The following RTN4 variants were observed in gnomAD, a reference collection of about 807,000 sequenced individuals.
The protein encoded by RTN4 is reticulon-4.
Under a neutral mutation model 90.4 loss-of-function variants are expected in RTN4, and 32 were observed. The observed-to-expected ratio is 0.35, with a 90% CI of 0.27 to 0.48. The LOEUF (loss-of-function observed/expected upper bound fraction) is 0.48. Among genes scored for constraint, RTN4 ranks in the 20% least tolerant of loss-of-function variants. The pLI is 0.99. For synonymous variants in RTN4, 629 were observed against 552.5 expected (o/e 1.14, Z -1.94); for missense variants, 1,706 against 1,430.2 (o/e 1.19, Z -3.11).
At chr2:54,993,190 G>T (rs539524182) in intron 3 of RTN4, among the ~76,000 whole-genome samples, 1 of 151,494 alleles carries the variant, frequency 6.6e-6, no homozygotes, top group African/African-American at 2.4e-5. Context: ...AGTTTTACTT[G>T]CTTCTTTACT....
chr2:55,003,055 C>T (rs993618279), intron 3 of RTN4, among the ~76,000 whole-genome samples: 5 of 152,104 alleles, frequency 3.3e-5, no homozygotes, highest in African/African-American at 1.2e-4. Context: ...TTTCTACTAA[C>T]AAAAACTAAA....
the RTN4 span, among the ~76,000 whole-genome samples, chr2:55,137,671 G>T: frequency 3.3e-5 from 5 of 152,088 alleles, no homozygotes; most frequent in Non-Finnish European, 5.9e-5. Context: ...CTGGCACAGA[G>T]AGAGTTAAAC....
At chr2:55,042,332 T>C (rs1307811004) in intron 1 of RTN4, among the ~76,000 whole-genome samples, 4 of 152,250 alleles carry the variant, frequency 2.6e-5, no homozygotes, top group South Asian at 2.1e-4. Context: ...AAGAAGTGTA[T>C]ACAAGAGTGT....
chr2:55,042,596 A>G (rs1359525731), intron 1 of RTN4, among the ~76,000 whole-genome samples: 2 of 152,208 alleles, frequency 1.3e-5, no homozygotes, highest in Non-Finnish European at 2.9e-5. Flanking sequence ...AACAGGTAGA[A>G]AGAGTTACTT....
intron 3 of RTN4, among the ~76,000 whole-genome samples, chr2:55,022,108 T>C (rs1331374134): frequency 6.6e-6 from 1 of 152,116 alleles, no homozygotes; most frequent in Non-Finnish European, 1.5e-5. Flanking sequence ...ACAAAAACAA[T>C]CCAAGAAATA....
intron 2 of RTN4, among the ~76,000 whole-genome samples, 174 bp from the exon 3 acceptor site, chr2:55,027,659 T>C (rs948753309): frequency 1.4e-4 from 21 of 151,496 alleles, no homozygotes; most frequent in African/African-American, 5.2e-4. Context: ...CTGAAAATAT[T>C]AAGCTATTGT....
Position 55,050,051 on chromosome 2 carries a change from C to A in RTN4, c.250G>T (p.Asp84Tyr). Reference sequence around the variant, plus strand: ...CCCCGGGGCGCCGGCGGCACGAAGTCATTTCCGAAGTCCATCAGGGGCGCG... The same window carrying A: ...CCCCGGGGCGCCGGCGGCACGAAGTAATTTCCGAAGTCCATCAGGGGCGCG... Reference protein sequence around the residue: ...AGAPLMDFGNDFVPPAPRGPL... With the variant: ...AGAPLMDFGNYFVPPAPRGPL... The change falls in exon 1 of 9, where the codon GAC (aspartate) becomes TAC (tyrosine). Residue 84 changes from aspartate (D) to tyrosine (Y), a missense_variant. Coordinates refer to ENST00000337526, the MANE Select transcript of RTN4 (RefSeq NM_020532.5). The surrounding 1 kb of genome is among the most constrained non-coding windows in gnomAD (Gnocchi z 4.6). 1 of 1,418,572 alleles carries A rather than the reference C, an allele frequency of 7.0e-7. No individual in the cohort carries two copies. The highest frequency in any genetic ancestry group is 9.1e-7 in the Non-Finnish European group (1 of 1,092,990). The allele number at this position is 1,418,572 out of a possible 1,614,324, so 87.9% of individuals were successfully genotyped here. A position where few individuals can be genotyped will look rare whatever the true frequency, so the allele number is the denominator to read the frequency against.
At chr2:55,023,865 C>G (rs1681626551) in intron 3 of RTN4, among the ~76,000 whole-genome samples, 1 of 152,018 alleles carries the variant, frequency 6.6e-6, no homozygotes, top group Non-Finnish European at 1.5e-5. Context: ...CTTAACTGAC[C>G]TCTCCAGTAT....
the RTN4 span, among the ~76,000 whole-genome samples, chr2:55,118,794 C>A: frequency 5.9e-5 from 9 of 152,204 alleles, no homozygotes; most frequent in Admixed American, 3.9e-4. Flanking sequence ...GATGAGGACG[C>A]AACCGTTCTG....
At chr2:55,010,038 T>A in intron 3 of RTN4, 1 of 1,577,578 alleles carries the variant, frequency 6.3e-7, no homozygotes, top group Admixed American at 1.7e-5. Context: ...TAGAAATATA[T>A]TAGTGGTCAC....
At chr2:55,085,294 T>G (rs760854396) in intron 1 of RTN4, among the ~76,000 whole-genome samples, 12 of 151,402 alleles carry the variant, frequency 7.9e-5, no homozygotes, top group Admixed American at 1.3e-4. Flanking sequence ...TGGGGGTGTG[T>G]GTGTATATAT....
intron 2 of RTN4, among the ~76,000 whole-genome samples, chr2:55,070,741 T>A (rs1171428228): frequency 1.1e-5 from 1 of 87,256 alleles, no homozygotes; most frequent in East Asian, 3.7e-4. Context: ...AAACAGCTGT[T>A]TTGATTTTTG....
intron 3 of RTN4, among the ~76,000 whole-genome samples, chr2:55,007,275 T>C (rs1262308626): frequency 1.3e-5 from 2 of 152,114 alleles, no homozygotes; most frequent in Non-Finnish European, 2.9e-5. Context: ...TTCAAGCCTA[T>C]CTACTTTAAA....
At chr2:55,106,890 G>A (rs1454802300) in intron 1 of RTN4, among the ~76,000 whole-genome samples, 1 of 152,164 alleles carries the variant, frequency 6.6e-6, no homozygotes, top group African/African-American at 2.4e-5. Flanking sequence ...TAAAGAAAGT[G>A]AACCAAAAGA....
At chr2:54,988,457 G>A (rs1329923697) in intron 3 of RTN4, among the ~76,000 whole-genome samples, 2 of 152,048 alleles carry the variant, frequency 1.3e-5, no homozygotes, top group Non-Finnish European at 2.9e-5. Flanking sequence ...ATATTTATAT[G>A]CAGAAAATAA....
intron 2 of RTN4, among the ~76,000 whole-genome samples, chr2:55,074,517 C>CAA (rs778275041): frequency 3.5e-4 from 21 of 59,572 alleles, no homozygotes; most frequent in African/African-American, 1.0e-3. Flanking sequence ...CTGCCCTCAC[C>CAA]AAAAAAAAAA....
upstream of RTN4, among the ~76,000 whole-genome samples, chr2:55,117,477 C>G (rs1417094672): frequency 6.6e-6 from 1 of 152,166 alleles, no homozygotes; most frequent in Non-Finnish European, 1.5e-5. Context: ...GGGAATAACA[C>G]CTGGCTCAAG....
At chr2:55,054,377 C>G (rs982521779), upstream of RTN4, among the ~76,000 whole-genome samples, 1 of 152,170 alleles carries the variant, frequency 6.6e-6, no homozygotes, top group Admixed American at 6.5e-5. Flanking sequence ...GCACCAGGCC[C>G]TGCTCAAGAC....
intron 2 of RTN4, among the ~76,000 whole-genome samples, chr2:55,055,931 A>G (rs1450582096): frequency 6.6e-6 from 1 of 151,818 alleles, no homozygotes; most frequent in Non-Finnish European, 1.5e-5. Context: ...GTATACATGT[A>G]TATACATATA....
Sources: allele counts gnomAD v4.1 joint callset (sites outside exome capture counted in the v4.1 genomes callset), GRCh38; gene constraint gnomAD v4.1.1; non-coding constraint Gnocchi (gnomAD v3.1); transcripts MANE v1.5; gene names NCBI Gene and HGNC (gene_info 2026-07-23, HGNC 2026-07-21).